INPP5F: variants seen among roughly 807,000 people sequenced by gnomAD.
INPP5F encodes phosphatidylinositide 4-phosphatase SAC2.
In INPP5F, 97 loss-of-function variants were observed where a neutral mutation model predicts 137.2. The observed-to-expected ratio is 0.71, with a 90% CI of 0.60 to 0.84. The LOEUF (loss-of-function observed/expected upper bound fraction) is 0.84, where lower values mean the gene tolerates loss of function less well. Among genes scored for constraint, INPP5F ranks in the 40% least tolerant of loss-of-function variants. The pLI is 0.00. For missense variants in INPP5F, 1,271 were observed against 1,371.9 expected, an observed-to-expected ratio of 0.93 and a Z score of 1.16; for synonymous variants, 504 against 476.9, an observed-to-expected ratio of 1.06 and a Z score of -0.74.
chr10:119,796,745 A>G lies in INPP5F; in HGVS notation c.700A>G (p.Met234Val), dbSNP rs925038062. Residue 234 changes from methionine to valine, a missense_variant, in exon 7 of 20, where the codon ATG becomes GTG. Transcript: ENST00000650623. ...TPDVDFWIIP[M>V]IQGFVQIEEL... ...AGATGTGGACTTTTGGATTATCCCC[A>G]TGATCCAAGGTTTTGTGCAGATTGA... 2.5e-6 allele frequency: 4 copies of G among 1,613,940 alleles called. No homozygotes were observed. The highest frequency in any genetic ancestry group is 1.3e-5 in the African/African-American group (1 of 74,926).
In INPP5F at chr10:119,726,095, G is replaced by A. The variant is rs1445361676; in HGVS notation, c.-168G>A. On this transcript the variant is annotated 5_prime_UTR_variant, in exon 1 of 20. Coordinates refer to ENST00000650623, the MANE Select transcript of INPP5F (RefSeq NM_014937.4). ...GCTGCCGCCGCCGCTGCCGGGGCGC[G>A]TTCTCCTCCTACCGGTCGGGTGCCC... 8 of 381,076 alleles carry A rather than the reference G, an allele frequency of 2.1e-5. No individual in the cohort carries two copies. Among genetic ancestry groups the A allele is most frequent in the Middle Eastern group, 7.1e-4 (1 of 1,410 alleles). The allele number at this position is 381,076 out of a possible 1,614,324, so 23.6% of individuals were successfully genotyped here. A position where few individuals can be genotyped will look rare whatever the true frequency, so the allele number is the denominator to read the frequency against.
At chr10:119,820,307 C>T (rs73355854) in intron 15 of INPP5F, among the ~76,000 whole-genome samples, 3,167 of 152,170 alleles carry the variant, frequency 0.021, 108 homozygotes, top group African/African-American at 0.073. Context: ...TATTGAAAGC[C>T]AAATAATCTA....
intron 11 of INPP5F, 68 bp downstream of exon 11, chr10:119,805,529 A>T (rs1234384064): frequency 9.5e-7 from 1 of 1,049,786 alleles, no homozygotes; most frequent in African/African-American, 1.6e-5. Context: ...CTGAGCATTA[A>T]ACTGATAGCA....
At chr10:119,765,790 G>A (rs1323999051) in intron 2 of INPP5F, among the ~76,000 whole-genome samples, 1 of 143,570 alleles carries the variant, frequency 7.0e-6, no homozygotes, top group Non-Finnish European at 1.5e-5. Flanking sequence ...TGTGTATAGT[G>A]TATATATATA....
intron 1 of INPP5F, among the ~76,000 whole-genome samples, chr10:119,727,356 C>T (rs1358465379): frequency 1.3e-5 from 2 of 152,240 alleles, no homozygotes; most frequent in African/African-American, 4.8e-5. Context: ...ATGAGCTTTT[C>T]AGATCACAGC....
At chr10:119,749,842 G>C (rs187078843) in intron 1 of INPP5F, among the ~76,000 whole-genome samples, 3 of 152,114 alleles carry the variant, frequency 2.0e-5, no homozygotes, top group Non-Finnish European at 4.4e-5. Context: ...GCCGTGGTGC[G>C]ATCTTGGCTC....
intron 3 of INPP5F, among the ~76,000 whole-genome samples, chr10:119,788,543 A>G (rs1030525809): frequency 5.3e-5 from 8 of 152,148 alleles, no homozygotes; most frequent in African/African-American, 1.7e-4. Context: ...AGGCCTAAGC[A>G]GTGTCATCAG....
chr10:119,726,489 A>G, intron 1 of INPP5F, 130 bp downstream of exon 1: 1 of 364,760 alleles, frequency 2.7e-6, no homozygotes, highest in Non-Finnish European at 4.4e-6. Context: ...GCGGGCTGCG[A>G]GCGCGCGAGC....
At chr10:119,746,501 C>T (rs941933760) in intron 1 of INPP5F, among the ~76,000 whole-genome samples, 1 of 152,218 alleles carries the variant, frequency 6.6e-6, no homozygotes, top group East Asian at 1.9e-4. Flanking sequence ...GATTCTGGCT[C>T]ACTATTTGGA....
At chr10:119,735,111 C>G (rs1408596999) in intron 1 of INPP5F, among the ~76,000 whole-genome samples, 1 of 152,102 alleles carries the variant, frequency 6.6e-6, no homozygotes, top group Non-Finnish European at 1.5e-5. Flanking sequence ...CTGGTAGTAC[C>G]TTAATTAAAT....
intron 1 of INPP5F, among the ~76,000 whole-genome samples, chr10:119,736,232 A>G (rs951284140): frequency 6.6e-6 from 1 of 152,192 alleles, no homozygotes; most frequent in Non-Finnish European, 1.5e-5. Flanking sequence ...GGATTTATCT[A>G]ATCTTTGTTT....
chr10:119,751,421 A>T (rs1432033892), intron 2 of INPP5F, among the ~76,000 whole-genome samples: 1 of 152,248 alleles, frequency 6.6e-6, no homozygotes, highest in Admixed American at 6.5e-5. Flanking sequence ...TGAGGGAAAG[A>T]TATAGCAAAT....
rs1479469097 is a variant in INPP5F, at chr10:119,740,273, G to T, written c.98-10803G>T. 2.6e-5 allele frequency among the ~76,000 whole-genome samples: 4 copies of T among 152,124 alleles called. No individual in the cohort carries two copies. In the East Asian group the frequency reaches 7.7e-4, roughly 29 times the overall value. ...TCTCCTGTGTATGTAGCGGGTGTGG[G>T]GGCAGGGCAGGAAGTTGGCAGTCAT... On this transcript the variant is annotated intron_variant, in intron 1 of 19. Transcript: ENST00000650623.
intron 2 of INPP5F, 104 bp downstream of exon 2, chr10:119,751,260 TG>T: frequency 1.3e-6 from 1 of 770,668 alleles, no homozygotes; most frequent in East Asian, 2.5e-5. Context: ...TTGATTCCTT[TG>T]TTTTAATTTT....
intron 1 of INPP5F, among the ~76,000 whole-genome samples, chr10:119,734,578 T>G (rs946788732): frequency 6.6e-6 from 1 of 152,198 alleles, no homozygotes; most frequent in African/African-American, 2.4e-5. Flanking sequence ...CAAGCAGTCC[T>G]CCTGCTCAGC....
At chr10:119,820,739 C>T in intron 15 of INPP5F, 107 bp from the exon 16 acceptor site, 3 of 786,494 alleles carry the variant, frequency 3.8e-6, no homozygotes, top group Non-Finnish European at 6.8e-6. Flanking sequence ...TCTTTTCCCT[C>T]CCCCTGGCCA....
At chr10:119,821,694 T>TCTCCCTCCTCTCTCTCTCTCC (rs979970826) in intron 16 of INPP5F, among the ~76,000 whole-genome samples, 1 of 151,866 alleles carries the variant, frequency 6.6e-6, no homozygotes, top group African/African-American at 2.4e-5. Context: ...TTTCTGTCTT[T>TCTCCCTCCTCTCTCTCTCTCC]CTCCCTCCTC....
At chr10:119,729,637 C>A (rs138314356) in intron 1 of INPP5F, among the ~76,000 whole-genome samples, 12 of 149,714 alleles carry the variant, frequency 8.0e-5, no homozygotes, top group Non-Finnish European at 1.3e-4. Flanking sequence ...AGTGCAGTGG[C>A]GTGATCATGG....
At chr10:119,806,162 GATA>G (rs1357506409) in intron 11 of INPP5F, among the ~76,000 whole-genome samples, 195 bp from the exon 12 acceptor site, 1 of 151,790 alleles carries the variant, frequency 6.6e-6, no homozygotes, top group Admixed American at 6.6e-5. Context: ...TTAAGATGAG[GATA>G]ATATCTTCCT....
Sources: allele counts gnomAD v4.1 joint callset (sites outside exome capture counted in the v4.1 genomes callset), GRCh38; gene constraint gnomAD v4.1.1; transcripts MANE v1.5; gene names NCBI Gene and HGNC (gene_info 2026-07-23, HGNC 2026-07-21).